ABLIM2: variants seen among roughly 807,000 people sequenced by gnomAD.
ABLIM2 encodes the protein actin-binding LIM protein 2.
A neutral mutation model predicts 97.7 loss-of-function variants in ABLIM2; 53 were observed. The ratio of observed to expected loss-of-function variants is 0.54; its 90% CI spans 0.44 to 0.68. The LOEUF is 0.68. ABLIM2 is among the 30% of genes least tolerant of loss of function. The pLI, the probability that ABLIM2 is intolerant of heterozygous loss-of-function variation, is 0.00. For synonymous variants in ABLIM2, 361 were observed against 345.8 expected, an observed-to-expected ratio of 1.04 and a Z score of -0.49; for missense variants, 835 against 867.2, an observed-to-expected ratio of 0.96 and a Z score of 0.47.
chr4:8,004,034 T>G lies in ABLIM2; in HGVS notation c.1618+4025A>C, dbSNP rs1759302040. 6.6e-6 allele frequency among the ~76,000 whole-genome samples: 1 copy of G among 152,190 alleles called. No homozygotes were observed. The highest frequency in any genetic ancestry group is 2.4e-5 in the African/African-American group (1 of 41,522). Reference sequence around the variant, plus strand: ...GGACTAAGGAACGCGAGAAGAACTCTTCTGCCCCATCTTGCAGCTCCAGAG... The same window carrying G: ...GGACTAAGGAACGCGAGAAGAACTCGTCTGCCCCATCTTGCAGCTCCAGAG... On this transcript the variant is annotated intron_variant, in intron 16 of 20. Transcript: ENST00000447017. This position sits in a 1 kb window ranked among gnomAD's most constrained non-coding sequence, Gnocchi z 5.9.
At chr4:8,152,904 A>G (rs111433994) in intron 1 of ABLIM2, among the ~76,000 whole-genome samples, 4,065 of 152,258 alleles carry the variant, frequency 0.027, 187 homozygotes, top group African/African-American at 0.091. Flanking sequence ...CATGCTAGCA[A>G]GTGGCAGGGC....
chr4:7,980,945 T>A (rs1274165092), intron 20 of ABLIM2, among the ~76,000 whole-genome samples: 5 of 122,964 alleles, frequency 4.1e-5, no homozygotes, highest in South Asian at 5.5e-4. Flanking sequence ...CCCCTTATTT[T>A]TTTTTTTTTT....
At chr4:8,152,210 C>A (rs1204230377) in intron 1 of ABLIM2, among the ~76,000 whole-genome samples, 1 of 152,236 alleles carries the variant, frequency 6.6e-6, no homozygotes, top group African/African-American at 2.4e-5. Context: ...TCCCCCACAG[C>A]CACCGGCTAA....
chr4:8,024,393 G>T (rs530680617), intron 12 of ABLIM2, among the ~76,000 whole-genome samples: 4 of 152,252 alleles, frequency 2.6e-5, no homozygotes, highest in African/African-American at 9.6e-5. Context: ...CGGGGGTGAG[G>T]CCCTGCCAGC....
intron 20 of ABLIM2, among the ~76,000 whole-genome samples, chr4:7,972,157 C>A (rs549522221): frequency 6.6e-6 from 1 of 152,194 alleles, no homozygotes; most frequent in Non-Finnish European, 1.5e-5. Context: ...CTCCATACCC[C>A]GGGACCTCTT....
intron 20 of ABLIM2, among the ~76,000 whole-genome samples, chr4:7,977,826 A>AAATAAATAAAT (rs1181092064): frequency 6.6e-6 from 1 of 151,634 alleles, no homozygotes; most frequent in African/African-American, 2.4e-5. Context: ...ATAAATAAAT[A>AAATAAATAAAT]AAAGGTGGGG....
intron 1 of ABLIM2, among the ~76,000 whole-genome samples, chr4:8,133,369 A>G (rs2152934165): frequency 6.6e-6 from 1 of 151,686 alleles, no homozygotes; most frequent in East Asian, 2.0e-4. Context: ...CTGGCACAAC[A>G]TGTCCCCATT....
chr4:8,058,311 C>A lies in ABLIM2; in HGVS notation c.763+2656G>T, dbSNP rs1040455819. On this transcript the variant is annotated intron_variant, in intron 7 of 20. Transcript: ENST00000447017. This position sits in a 1 kb window ranked among gnomAD's most constrained non-coding sequence, Gnocchi z 4.2. ...CTCGAGCAGAGACTCAAGGAACAGGCGACACCGGGGACGAGGCTGTCCTGT... is the reference window on the plus strand; with the variant it reads ...CTCGAGCAGAGACTCAAGGAACAGGAGACACCGGGGACGAGGCTGTCCTGT... Among the ~76,000 whole-genome samples, 1 of 152,180 alleles carries A rather than the reference C, an allele frequency of 6.6e-6. No individual in the cohort carries two copies. The highest frequency in any genetic ancestry group is 6.5e-5 in the Admixed American group (1 of 15,286).
In ABLIM2 at chr4:8,071,774, C is replaced by T. The variant is rs1812357590; in HGVS notation, c.675+5854G>A. The T allele has an allele frequency of 2.0e-6, 2 of 985,224 alleles. No individual in the cohort carries two copies. The highest frequency in any genetic ancestry group is 6.2e-5 in the Admixed American group (1 of 16,252). The allele number at this position is 985,224 out of a possible 1,614,324, so 61.0% of individuals were successfully genotyped here. On this transcript the variant is annotated intron_variant, in intron 6 of 20. Coordinates refer to ENST00000447017, the MANE Select transcript of ABLIM2 (RefSeq NM_001130083.2). This position sits in a 1 kb window ranked among gnomAD's most constrained non-coding sequence, Gnocchi z 6.2. ...TTGCGGGCCAGGTTTCCTACCTGCA[C>T]AGCTTCTGGGCACCAGAGCCCAGTC...
chr4:8,088,127 G>A (rs1825002109), intron 4 of ABLIM2, 42 bp downstream of exon 4: 7 of 1,319,472 alleles, frequency 5.3e-6, no homozygotes, highest in Non-Finnish European at 6.9e-6. Context: ...CCCCCACTCA[G>A]CATGCCCCCA....
chr4:8,027,792 C>T lies in ABLIM2; in HGVS notation c.1234G>A (p.Val412Met), dbSNP rs1234628714. Residue 412 changes from valine (V) to methionine (M), a missense_variant, in exon 12 of 21, where the codon GTG (valine) becomes ATG (methionine). Physicochemically the swap from Val to Met is conservative, Grantham distance 21. Coordinates refer to ENST00000447017, the MANE Select transcript of ABLIM2 (RefSeq NM_001130083.2). ...SLSQHPSPTS[V>M]FRHHYIPYFR... ...TAGGGGATGTAATGATGTCTGAACA[C>T]GGATGTAGGGCTTGGGTGTTGGGAC... 8.8e-6 allele frequency: 14 copies of T among 1,598,762 alleles called. No individual in the cohort carries two copies. The highest frequency in any genetic ancestry group is 5.2e-5 in the Admixed American group (3 of 57,752).
chr4:8,110,640 T>A (rs1341101516), intron 1 of ABLIM2, among the ~76,000 whole-genome samples: 1 of 148,318 alleles, frequency 6.7e-6, no homozygotes, highest in African/African-American at 2.5e-5. Context: ...ACTGGAAATA[T>A]ACTTGGTCGG....
At chr4:7,972,129 C>T (rs1423977037) in intron 20 of ABLIM2, among the ~76,000 whole-genome samples, 1 of 152,184 alleles carries the variant, frequency 6.6e-6, no homozygotes, top group Non-Finnish European at 1.5e-5. Context: ...GGCCATTGCC[C>T]CTCCAGGAGA....
chr4:8,049,230 G>T (rs1794503388), intron 8 of ABLIM2, among the ~76,000 whole-genome samples: 1 of 152,248 alleles, frequency 6.6e-6, no homozygotes, highest in South Asian at 2.1e-4. Context: ...CAATCCCAGA[G>T]CACACACAGT....
chr4:8,010,471 T>C, intron 14 of ABLIM2: 1 of 985,886 alleles, frequency 1.0e-6, no homozygotes, highest in African/African-American at 1.7e-5. Context: ...TCTTTTGCCG[T>C]ACCCTGCCTC....
intron 8 of ABLIM2, 131 bp from the exon 9 acceptor site, chr4:8,045,372 C>T (rs74285611): frequency 0.076 from 63,094 of 834,700 alleles, 4,162 homozygotes; most frequent in East Asian, 0.28. Flanking sequence ...GGGGCTGGGC[C>T]GGGCACGGCG....
chr4:8,126,181 G>A (rs995878933), intron 1 of ABLIM2, among the ~76,000 whole-genome samples: 15 of 152,180 alleles, frequency 9.9e-5, no homozygotes, highest in African/African-American at 3.6e-4. Context: ...ATGGACAAGA[G>A]TCCCAGTTCC....
rs1211149350 is a variant in ABLIM2 at position 8,095,545 on chromosome 4, A to T, written c.338+1554T>A. Among the ~76,000 whole-genome samples, 1 of 152,160 alleles carries T rather than the reference A, an allele frequency of 6.6e-6. No individual in the cohort carries two copies. Among genetic ancestry groups the T allele is most frequent in the Non-Finnish European group, 1.5e-5 (1 of 68,030 alleles). Reference sequence around the variant, plus strand: ...TTTGCAGATCAACATGATCTTTTTTAAAAAATAATTAATTAAAAAATAGAG... The same window carrying T: ...TTTGCAGATCAACATGATCTTTTTTTAAAAATAATTAATTAAAAAATAGAG... On this transcript the variant is annotated intron_variant, in intron 3 of 20. Transcript: ENST00000447017. The surrounding 1 kb of genome is among the most constrained non-coding windows in gnomAD (Gnocchi z 4.7).
At chr4:8,045,605 C>A (rs1791830968) in intron 8 of ABLIM2, among the ~76,000 whole-genome samples, 1 of 152,144 alleles carries the variant, frequency 6.6e-6, no homozygotes, top group Admixed American at 6.5e-5. Context: ...CAAGATCGCG[C>A]CACTGCACTC....
Sources: gnomAD v4.1 joint callset for allele counts (sites outside exome capture counted in the v4.1 genomes callset) on GRCh38, gnomAD v4.1.1 for gene constraint, Gnocchi (gnomAD v3.1) non-coding constraint, MANE v1.5 for transcripts, NCBI Gene and HGNC (gene_info 2026-07-23, HGNC 2026-07-21) for gene names.